Variants in PKHD1 observed in about 807,000 individuals in gnomAD.
The protein encoded by PKHD1 is fibrocystin.
Under a neutral mutation model 412.0 loss-of-function variants are expected in PKHD1, and 291 were observed. That is an observed-to-expected ratio of 0.71 (90% confidence interval 0.64 to 0.78). The LOEUF (loss-of-function observed/expected upper bound fraction) is 0.78. Ranked by LOEUF, PKHD1 falls within the 30% of genes least tolerant of loss-of-function variation. The pLI is 0.00. For synonymous variants in PKHD1, 1,777 were observed against 1,821.5 expected, an observed-to-expected ratio of 0.98 and a Z score of 0.62; for missense variants, 4,825 against 4,950.7, an observed-to-expected ratio of 0.97 and a Z score of 0.76.
chr6:51,643,692 A>C (rs945156896), intron 63 of PKHD1, among the ~76,000 whole-genome samples: 1 of 152,128 alleles, frequency 6.6e-6, no homozygotes, highest in African/African-American at 2.4e-5. Context: ...TAATTATTTT[A>C]TTTTATTTTA....
rs971909479 is a variant in PKHD1, at chr6:51,776,026, T to C, written c.8441-105A>G. 28 of 677,960 alleles carry C rather than the reference T, an allele frequency of 4.1e-5. No homozygotes were observed. The African/African-American group carries it at 4.3e-4, about 10-fold the overall frequency. The allele number at this position is 677,960 out of a possible 1,614,324, so 42.0% of individuals were successfully genotyped here. On this transcript the variant is annotated intron_variant, in intron 53 of 66. Transcript: ENST00000371117. Reference sequence around the variant, plus strand: ...ATAATGCAATGTAGATACTGTGAAGTAGACTATATGGAGGAGTCAATGGTC... The same window carrying C: ...ATAATGCAATGTAGATACTGTGAAGCAGACTATATGGAGGAGTCAATGGTC...
intron 52 of PKHD1, among the ~76,000 whole-genome samples, chr6:51,800,827 G>C (rs1192636857): frequency 6.6e-6 from 1 of 152,184 alleles, no homozygotes; most frequent in Non-Finnish European, 1.5e-5. Flanking sequence ...CAGGAAAGCA[G>C]CCTGTACTGA....
chr6:51,619,539 G>T lies in PKHD1; in HGVS notation c.11786-19C>A. The stretch of plus-strand genomic sequence containing the variant: ...CTCATATCTGGGGGGAAAAGAAATA[G>T]GGGAAGAAATGGATTTAGTTTTCAA... On this transcript the variant is annotated intron_variant, in intron 66 of 66. Coordinates refer to ENST00000371117, the MANE Select transcript of PKHD1 (RefSeq NM_138694.4). 1 of 1,601,812 alleles carries T rather than the reference G, an allele frequency of 6.2e-7. No individual in the cohort carries two copies. The highest frequency in any genetic ancestry group is 1.1e-5 in the South Asian group (1 of 90,808).
chr6:51,969,701 C>T (rs777689060), intron 35 of PKHD1, among the ~76,000 whole-genome samples: 2 of 152,126 alleles, frequency 1.3e-5, no homozygotes, highest in Non-Finnish European at 2.9e-5. Flanking sequence ...ATACAGGTTA[C>T]TGCAAAAGCC....
rs1211624534 is a variant in PKHD1, at chr6:51,904,289, G to C, written c.6809-247C>G. On this transcript the variant is annotated intron_variant, in intron 41 of 66. Coordinates refer to ENST00000371117, the MANE Select transcript of PKHD1 (RefSeq NM_138694.4). Reference sequence around the variant, plus strand: ...TTTACTTTTGAGGAGGAGTCTAAGTGACTATCTCCACTGTTAAGTGCCACA... The same window carrying C: ...TTTACTTTTGAGGAGGAGTCTAAGTCACTATCTCCACTGTTAAGTGCCACA... Among the ~76,000 whole-genome samples, 3 of 152,218 alleles carry C rather than the reference G, an allele frequency of 2.0e-5. No homozygotes were observed. The Middle Eastern group carries it at 0.01, about 518-fold the overall frequency.
At chr6:52,041,443 C>T (rs1191749541) in intron 27 of PKHD1, among the ~76,000 whole-genome samples, 2 of 152,140 alleles carry the variant, frequency 1.3e-5, no homozygotes, top group Non-Finnish European at 2.9e-5. Context: ...AGGTCTTCAG[C>T]ACCTCACACA....
Position 52,024,714 on chromosome 6 carries a change from T to A in PKHD1, c.5096A>T (p.His1699Leu), listed in dbSNP as rs185937478. ...AGGGACCACGCACTGAAGAACGGTG[T>A]GGTTACCAGAGACACCCACACAGGG... ...MSPCVGVSGN[H>L]TVLQCVVPSL... The change falls in exon 32 of 67, where the codon CAC becomes CTC. Residue 1699 changes from histidine (H) to leucine (L), a missense_variant. By Grantham distance (99) the His-to-Leu change is moderately conservative. Coordinates refer to ENST00000371117, the MANE Select transcript of PKHD1 (RefSeq NM_138694.4). 8 of 1,614,192 alleles carry A rather than the reference T, an allele frequency of 5.0e-6. No homozygotes were observed. In the East Asian group the frequency reaches 1.8e-4, roughly 36 times the overall value.
intron 63 of PKHD1, among the ~76,000 whole-genome samples, chr6:51,645,751 A>T (rs1246118243): frequency 6.6e-6 from 1 of 152,238 alleles, no homozygotes; most frequent in African/African-American, 2.4e-5. Context: ...ATTATTTCTC[A>T]TCTAAAATAG....
At chr6:51,919,247 T>C (rs1784306426) in intron 37 of PKHD1, among the ~76,000 whole-genome samples, 1 of 152,154 alleles carries the variant, frequency 6.6e-6, no homozygotes, top group Non-Finnish European at 1.5e-5. Context: ...TTTTCTAGGG[T>C]TTTTATGGTT....
intron 28 of PKHD1, among the ~76,000 whole-genome samples, 179 bp from the exon 29 acceptor site, chr6:52,033,344 T>C (rs1005132975): frequency 7.2e-5 from 11 of 152,176 alleles, no homozygotes; most frequent in Admixed American, 1.3e-4. Flanking sequence ...ACTCTCCCCA[T>C]CCTGCCCCCA....
At chr6:52,077,175 T>A (rs1353197077) in intron 5 of PKHD1, among the ~76,000 whole-genome samples, 1 of 152,120 alleles carries the variant, frequency 6.6e-6, no homozygotes, top group Non-Finnish European at 1.5e-5. Flanking sequence ...AGTCACCCAA[T>A]CTGGGATGAC....
chr6:51,922,115 G>T (rs914962595), intron 37 of PKHD1, among the ~76,000 whole-genome samples: 1 of 152,176 alleles, frequency 6.6e-6, no homozygotes, highest in African/African-American at 2.4e-5. Flanking sequence ...TGGGGTTTTG[G>T]TGTGGATGTC....
At chr6:51,960,284 T>C (rs993532411) in intron 35 of PKHD1, among the ~76,000 whole-genome samples, 1 of 152,126 alleles carries the variant, frequency 6.6e-6, no homozygotes, top group Non-Finnish European at 1.5e-5. Context: ...GAGGCAAAAT[T>C]ATATTTGAAG....
At chr6:52,002,442 C>T (rs770875834) in intron 35 of PKHD1, among the ~76,000 whole-genome samples, 3 of 152,220 alleles carry the variant, frequency 2.0e-5, no homozygotes, top group Non-Finnish European at 2.9e-5. Context: ...AGCTTCTCCT[C>T]CCCCTGAAGT....
chr6:51,803,100 T>A (rs1582783769), intron 52 of PKHD1, among the ~76,000 whole-genome samples: 1 of 151,484 alleles, frequency 6.6e-6, no homozygotes, highest in East Asian at 1.9e-4. Context: ...AAATTTATAT[T>A]TTCTGAGCAA....
rs181525788 is a variant in PKHD1 at position 51,786,638 on chromosome 6, T to C, written c.8440+4598A>G. ...AAGTATAATGCTCATCTAAAATATG[T>C]ACCTGTTCACATCTCTTCCTTTATC... On this transcript the variant is annotated intron_variant, in intron 53 of 66. Coordinates refer to ENST00000371117, the MANE Select transcript of PKHD1 (RefSeq NM_138694.4). Among the ~76,000 whole-genome samples the C allele has an allele frequency of 1.9e-3, 286 of 152,282 alleles. 3 individuals carry two copies. The highest frequency in any genetic ancestry group is 0.016 in the Admixed American group (241 of 15,282).
chr6:51,648,828 G>A (rs552086815), intron 62 of PKHD1, among the ~76,000 whole-genome samples: 9 of 152,322 alleles, frequency 5.9e-5, no homozygotes, highest in African/African-American at 2.2e-4. Flanking sequence ...TCTACTTCAA[G>A]AATTTGGTTG....
Position 51,721,561 on chromosome 6 carries a change from C to T in PKHD1, c.10156+22824G>A, listed in dbSNP as rs1475219576. The T allele has an allele frequency of 4.0e-6, 4 of 997,756 alleles. No homozygotes were observed. The African/African-American group carries it at 7.0e-5, about 17-fold the overall frequency. 61.8% of individuals were successfully genotyped at this position (997,756 alleles called of 1,614,324 possible). ...GCTCTAATTCCAAAGATTTCAACAC[C>T]ACCAATTTAATATCTGAATTGCTCC... On this transcript the variant is annotated intron_variant, in intron 60 of 66. Transcript: ENST00000371117.
intron 60 of PKHD1, among the ~76,000 whole-genome samples, chr6:51,740,235 C>T (rs1466341429): frequency 6.6e-6 from 1 of 152,162 alleles, no homozygotes; most frequent in Non-Finnish European, 1.5e-5. Flanking sequence ...GCTACACATC[C>T]TGCATTACAC....
Sources: gnomAD v4.1 joint callset for allele counts (sites outside exome capture counted in the v4.1 genomes callset) on GRCh38, gnomAD v4.1.1 for gene constraint, MANE v1.5 for transcripts, NCBI Gene and HGNC (gene_info 2026-07-23, HGNC 2026-07-21) for gene names.